Variants in HDAC4 observed in about 807,000 individuals in gnomAD.
HDAC4 encodes the protein histone deacetylase A.
In HDAC4, 16 loss-of-function variants were observed where a neutral mutation model predicts 135.1. The ratio of observed to expected loss-of-function variants is 0.12; its 90% CI spans 0.08 to 0.18. HDAC4 has a LOEUF of 0.18. Among genes scored for constraint, HDAC4 ranks in the 10% least tolerant of loss-of-function variants. The probability of loss-of-function intolerance (pLI) is 1.00; values close to 1 mark genes in which losing one functional copy is unlikely to be tolerated. For synonymous variants in HDAC4, 685 were observed against 653.4 expected (o/e 1.05, Z -0.74); for missense variants, 1,143 against 1,511.8 (o/e 0.76, Z 4.05).
intron 2 of HDAC4, among the ~76,000 whole-genome samples, chr2:239,330,462 G>A (rs190496286): frequency 2.2e-3 from 342 of 152,348 alleles, no homozygotes; most frequent in African/African-American, 8.0e-3. Context: ...GGCTCACCAA[G>A]GACACCTGAA....
chr2:239,393,112 G>A (rs535532556), intron 1 of HDAC4, among the ~76,000 whole-genome samples: 1 of 152,316 alleles, frequency 6.6e-6, no homozygotes, highest in Non-Finnish European at 1.5e-5. Context: ...ACAGGACTGG[G>A]ACCCCCGGCG....
intron 25 of HDAC4, among the ~76,000 whole-genome samples, chr2:239,053,933 G>A (rs1325566558): frequency 2.0e-5 from 3 of 152,132 alleles, no homozygotes; most frequent in Non-Finnish European, 4.4e-5. Context: ...GCAGGGGGCT[G>A]CCAGCCTGCT....
chr2:239,290,696 A>G (rs2051425063), intron 2 of HDAC4, among the ~76,000 whole-genome samples: 2 of 151,966 alleles, frequency 1.3e-5, no homozygotes, highest in Non-Finnish European at 1.5e-5. Context: ...GCATGCACAC[A>G]CACGCACGCA....
At chr2:239,284,088 C>G (rs1351309098) in intron 2 of HDAC4, among the ~76,000 whole-genome samples, 4 of 152,220 alleles carry the variant, frequency 2.6e-5, no homozygotes, top group Non-Finnish European at 5.9e-5. Flanking sequence ...GGTCTCCACG[C>G]CCAGTGGCTT....
rs915715450 is a variant in HDAC4, at chr2:239,342,766, G to A, written c.22+9912C>T. 3.9e-5 allele frequency among the ~76,000 whole-genome samples: 6 copies of A among 152,276 alleles called. No homozygotes were observed. In the East Asian group the frequency reaches 1.2e-3, roughly 29 times the overall value. ...GGGCTGAGGGAGATGAGGGAGCCTG[G>A]GGTCCAGTGAGAACAAAGCCACCAT... is the stretch of plus-strand genomic sequence containing the variant. On this transcript the variant is annotated intron_variant, in intron 2 of 26. Coordinates refer to ENST00000543185, the MANE Select transcript of HDAC4 (RefSeq NM_001378414.1).
rs535488349 is a variant in HDAC4 at position 239,068,315 on chromosome 2, G to A, written c.2869+174C>T. 6.6e-6 allele frequency among the ~76,000 whole-genome samples: 1 copy of A among 152,266 alleles called. No homozygotes were observed. Among genetic ancestry groups the A allele is most frequent in the South Asian group, 2.1e-4 (1 of 4,818 alleles). On this transcript the variant is annotated intron_variant, in intron 23 of 26. Transcript: ENST00000543185. The surrounding 1 kb of genome is among the most constrained non-coding windows in gnomAD (Gnocchi z 4.4). ...GGTCTGAGCTCCCGCTGCCTGCTCT[G>A]GGCTCTCTGGGGCCTCCCAAATGGA...
At chr2:239,126,797 G>A (rs2152852803) in intron 11 of HDAC4, 103 bp from the exon 12 acceptor site, 16 of 1,260,262 alleles carry the variant, frequency 1.3e-5, no homozygotes, top group East Asian at 2.4e-5. Flanking sequence ...CCCTGTGCCC[G>A]CCAGCCCAGG....
At chr2:239,381,319 C>A (rs1695401556) in intron 1 of HDAC4, among the ~76,000 whole-genome samples, 1 of 152,196 alleles carries the variant, frequency 6.6e-6, no homozygotes, top group African/African-American at 2.4e-5. Flanking sequence ...ACAAACATGC[C>A]TCTTTGTTAT....
chr2:239,094,970 A>G (rs768775216), intron 17 of HDAC4, 40 bp downstream of exon 17: 68 of 1,613,544 alleles, frequency 4.2e-5, no homozygotes, highest in Non-Finnish European at 5.6e-5. Flanking sequence ...GGGACTCGAG[A>G]AGAAACAGGA....
chr2:239,176,748 T>C (rs2043803162), intron 4 of HDAC4, among the ~76,000 whole-genome samples, 185 bp from the exon 5 acceptor site: 4 of 152,326 alleles, frequency 2.6e-5, no homozygotes, highest in Admixed American at 1.3e-4. Flanking sequence ...TTCCGGGCTC[T>C]GGGCATTGTC....
chr2:239,065,681 G>C (rs545475542), intron 24 of HDAC4, among the ~76,000 whole-genome samples: 5 of 152,332 alleles, frequency 3.3e-5, no homozygotes, highest in African/African-American at 1.2e-4. Flanking sequence ...CCCTGGCAAG[G>C]CCTCTGCATC....
intron 20 of HDAC4, 107 bp from the exon 21 acceptor site, chr2:239,082,328 C>T: frequency 2.8e-6 from 4 of 1,429,182 alleles, no homozygotes; most frequent in East Asian, 2.3e-5. Flanking sequence ...ACGGCTCCTG[C>T]TCAGGAATGA....
Position 239,331,905 on chromosome 2 carries a change from A to T in HDAC4, c.22+20773T>A, listed in dbSNP as rs989286405. Among the ~76,000 whole-genome samples the T allele has an allele frequency of 6.6e-5, 10 of 152,130 alleles. No homozygotes were observed. The highest frequency in any genetic ancestry group is 1.5e-4 in the Non-Finnish European group (10 of 68,020). On this transcript the variant is annotated intron_variant, in intron 2 of 26. Coordinates refer to ENST00000543185, the MANE Select transcript of HDAC4 (RefSeq NM_001378414.1). This position sits in a 1 kb window ranked among gnomAD's most constrained non-coding sequence, Gnocchi z 4.5. ...CCAGACTGAGCGTGGGGGTGAGGAG[A>T]GCCCCGTGCCAGGAGTGAGGGCAAC... is the stretch of plus-strand genomic sequence containing the variant.
rs1450894651 is a variant in HDAC4 at position 239,352,793 on chromosome 2, A to T, written c.-94T>A. 2 of 1,223,540 alleles carry T rather than the reference A, an allele frequency of 1.6e-6. No individual in the cohort carries two copies. Among genetic ancestry groups the T allele is most frequent in the African/African-American group, 3.0e-5 (2 of 66,576 alleles). 75.8% of individuals were successfully genotyped at this position (1,223,540 alleles called of 1,614,324 possible). A position where few individuals can be genotyped will look rare whatever the true frequency, so the allele number is the denominator to read the frequency against. On this transcript the variant is annotated 5_prime_UTR_variant, in exon 2 of 27. It removes an upstream start codon present in the reference 5' UTR. Coordinates refer to ENST00000543185, the MANE Select transcript of HDAC4 (RefSeq NM_001378414.1). This position sits in a 1 kb window ranked among gnomAD's most constrained non-coding sequence, Gnocchi z 4.4. ...ACGAGCTCCAAACTCCCACCAACAC[A>T]TACAAGTACCGGGACGGTGAGGGCT...
At chr2:239,243,183 C>T (rs1270792640) in intron 2 of HDAC4, among the ~76,000 whole-genome samples, 2 of 148,710 alleles carry the variant, frequency 1.3e-5, no homozygotes, top group South Asian at 2.1e-4. Context: ...GACATTGTCT[C>T]GCTCTGTTGC....
chr2:239,298,776 C>G (rs559959980), intron 2 of HDAC4: 2 of 224,014 alleles, frequency 8.9e-6, no homozygotes, highest in South Asian at 3.2e-4. Flanking sequence ...AATTATCTCT[C>G]GGAGACTTAA....
chr2:239,158,073 T>C (rs2042540060), intron 6 of HDAC4, among the ~76,000 whole-genome samples: 1 of 152,250 alleles, frequency 6.6e-6, no homozygotes, highest in African/African-American at 2.4e-5. Context: ...GACACGCCTG[T>C]CTGCACCTGT....
At chr2:239,246,376 G>C (rs1003708210) in intron 2 of HDAC4, among the ~76,000 whole-genome samples, 1 of 152,246 alleles carries the variant, frequency 6.6e-6, no homozygotes, top group Admixed American at 6.5e-5. Flanking sequence ...GAGAAGCACC[G>C]GGGTTGCTGC....
chr2:239,275,222 C>A (rs1158001244), intron 2 of HDAC4, among the ~76,000 whole-genome samples: 2 of 152,264 alleles, frequency 1.3e-5, no homozygotes, highest in African/African-American at 4.8e-5. Context: ...CCAGGCCGCG[C>A]AGGCTGGCCT....
Sources: gnomAD v4.1 joint callset for allele counts (sites outside exome capture counted in the v4.1 genomes callset) on GRCh38, gnomAD v4.1.1 for gene constraint, Gnocchi (gnomAD v3.1) non-coding constraint, MANE v1.5 for transcripts, NCBI Gene and HGNC (gene_info 2026-07-23, HGNC 2026-07-21) for gene names.